The following JRK variants were observed in gnomAD, a reference collection of about 807,000 sequenced individuals.
JRK encodes Jrk helix-turn-helix protein.
For synonymous variants in JRK, 303 were observed against 218.1 expected (o/e 1.39, Z -3.43); for missense variants, 720 against 509.2 (o/e 1.41, Z -3.98).
In JRK at chr8:142,664,341, C is replaced by T. The variant is rs1847013574; in HGVS notation, c.*11G>A. ...AACAGGGCCAGTGGCCAGGGCAGGG[C>T]AGAGAAGCCATCAGTTGTCACCTGC... On this transcript the variant is annotated 3_prime_UTR_variant, in exon 2 of 2. Transcript: ENST00000612905. The T allele has an allele frequency of 1.3e-6, 2 of 1,546,884 alleles. No individual in the cohort carries two copies. Among genetic ancestry groups the T allele is most frequent in the African/African-American group, 2.7e-5 (2 of 73,334 alleles).
At chr8:142,644,042 T>C in the JRK span, among the ~76,000 whole-genome samples, 1 of 152,218 alleles carries the variant, frequency 6.6e-6, no homozygotes, top group Non-Finnish European at 1.5e-5. Context: ...AGTCTTGTAA[T>C]AGTTCAGTTG....
At position 142,658,768 on chromosome 8, in the gene JRK, G is replaced by A. The variant is rs1210465187; in HGVS notation, c.*5584C>T. 1.1e-4 allele frequency: 166 copies of A among 1,535,000 alleles called. No homozygotes were observed. The highest frequency in any genetic ancestry group is 1.4e-4 in the Non-Finnish European group (160 of 1,138,220). ...CATCGTCATGGAGATGGAGGCCACAGACCTACCAACACCCATAACCTCAAG... is the reference window on the plus strand; with the variant it reads ...CATCGTCATGGAGATGGAGGCCACAAACCTACCAACACCCATAACCTCAAG... On this transcript the variant is annotated 3_prime_UTR_variant, in exon 2 of 2. Transcript: ENST00000612905.
chr8:142,649,357 C>G, the JRK span, among the ~76,000 whole-genome samples: 1 of 152,136 alleles, frequency 6.6e-6, no homozygotes, highest in African/African-American at 2.4e-5. Flanking sequence ...TGGGAGGGAC[C>G]CAGTGGGAGG....
rs587633214 is a variant in JRK at position 142,661,092 on chromosome 8, A to G, written c.*3260T>C. 19 of 985,458 alleles carry G rather than the reference A, an allele frequency of 1.9e-5. No homozygotes were observed. The South Asian group carries it at 6.6e-4, about 34-fold the overall frequency. The allele number at this position is 985,458 out of a possible 1,614,324, so 61.0% of individuals were successfully genotyped here. On this transcript the variant is annotated 3_prime_UTR_variant, in exon 2 of 2. Coordinates refer to ENST00000612905, the MANE Select transcript of JRK (RefSeq NM_003724.4). The stretch of plus-strand genomic sequence containing the variant: ...TCCAGGTGCTCTCCATCGCATGCTC[A>G]GCCATGGCTGAGCACGAATGAAGCA...
At position 142,660,979 on chromosome 8, in the gene JRK, G is replaced by A. The variant is rs782003964; in HGVS notation, c.*3373C>T. ...TGGGGAAGCCGTGGGCAGGGGCTGC[G>A]ACTTCCTTTCTTCCAATCAACTCCA... On this transcript the variant is annotated 3_prime_UTR_variant, in exon 2 of 2. Transcript: ENST00000612905. 47 of 985,388 alleles carry A rather than the reference G, an allele frequency of 4.8e-5. No individual in the cohort carries two copies. The highest frequency in any genetic ancestry group is 2.3e-4 in the East Asian group (2 of 8,798). The allele number at this position is 985,388 out of a possible 1,614,324, so 61.0% of individuals were successfully genotyped here.
At position 142,664,281 on chromosome 8, in the gene JRK, G is replaced by A. The variant is rs1372594900; in HGVS notation, c.*71C>T. 7 of 1,474,538 alleles carry A rather than the reference G, an allele frequency of 4.7e-6. No homozygotes were observed. Among genetic ancestry groups the A allele is most frequent in the African/African-American group, 4.2e-5 (3 of 70,800 alleles). 91.3% of individuals were successfully genotyped at this position (1,474,538 alleles called of 1,614,324 possible). A position where few individuals can be genotyped will look rare whatever the true frequency, so the allele number is the denominator to read the frequency against. ...GCCCTCCTGCCTCAGGTGGGGTCGG[G>A]GCACAGGACCATGCCACTCCAGGGT... On this transcript the variant is annotated 3_prime_UTR_variant, in exon 2 of 2. Coordinates refer to ENST00000612905, the MANE Select transcript of JRK (RefSeq NM_003724.4).
chr8:142,664,330 C>T lies in JRK; in HGVS notation c.*22G>A. The T allele has an allele frequency of 6.5e-7, 1 of 1,532,314 alleles. No individual in the cohort carries two copies. 94.9% of individuals were successfully genotyped at this position (1,532,314 alleles called of 1,614,324 possible). A position where few individuals can be genotyped will look rare whatever the true frequency, so the allele number is the denominator to read the frequency against. On this transcript the variant is annotated 3_prime_UTR_variant, in exon 2 of 2. Transcript: ENST00000612905. Reference sequence around the variant, plus strand: ...GTGTGGGGAGAAACAGGGCCAGTGGCCAGGGCAGGGCAGAGAAGCCATCAG... The same window carrying T: ...GTGTGGGGAGAAACAGGGCCAGTGGTCAGGGCAGGGCAGAGAAGCCATCAG...
chr8:142,652,754 T>G (rs1846689106), downstream of JRK, among the ~76,000 whole-genome samples: 3 of 152,134 alleles, frequency 2.0e-5, no homozygotes, highest in Admixed American at 1.3e-4. Flanking sequence ...TTTCACATAA[T>G]CAATTTACAG....
Position 142,666,139 on chromosome 8 carries a change from C to A in JRK, c.-81G>T, listed in dbSNP as rs1847122715. The stretch of plus-strand genomic sequence containing the variant: ...GCCACTACTTCCCTCTCCTCCTGCT[C>A]CCCTTCTGGGGCTCCGTCTCTCCCT... On this transcript the variant is annotated 5_prime_UTR_variant, in exon 2 of 2. Coordinates refer to ENST00000612905, the MANE Select transcript of JRK (RefSeq NM_003724.4). 1.3e-6 allele frequency: 2 copies of A among 1,548,728 alleles called. No homozygotes were observed. Among genetic ancestry groups the A allele is most frequent in the Admixed American group, 3.9e-5 (2 of 51,058 alleles).
At position 142,662,256 on chromosome 8, in the gene JRK, T is replaced by A; in HGVS notation, c.*2096A>T. Reference sequence around the variant, plus strand: ...GCTACAGTCTGACAGGGACAAGCCATGTCCAGAGGACTCAGGAGAGCCAGC... The same window carrying A: ...GCTACAGTCTGACAGGGACAAGCCAAGTCCAGAGGACTCAGGAGAGCCAGC... On this transcript the variant is annotated 3_prime_UTR_variant, in exon 2 of 2. Coordinates refer to ENST00000612905, the MANE Select transcript of JRK (RefSeq NM_003724.4). 3.0e-6 allele frequency: 3 copies of A among 985,700 alleles called. No individual in the cohort carries two copies. The highest frequency in any genetic ancestry group is 3.6e-6 in the Non-Finnish European group (3 of 830,126). The allele number at this position is 985,700 out of a possible 1,614,324, so 61.1% of individuals were successfully genotyped here. A position where few individuals can be genotyped will look rare whatever the true frequency, so the allele number is the denominator to read the frequency against.
chr8:142,657,553 G>A lies in JRK; in HGVS notation c.*6799C>T, dbSNP rs1268785466. On this transcript the variant is annotated 3_prime_UTR_variant, in exon 2 of 2. Transcript: ENST00000612905. ...CATTTGCTTCTGGTGGGGGCTTCAG[G>A]GAGCTTCCACTCATGACGGAAGGCA... The A allele has an allele frequency of 6.5e-6, 1 of 153,500 alleles. No homozygotes were observed. The highest frequency in any genetic ancestry group is 1.4e-5 in the Non-Finnish European group (1 of 68,974). The allele number at this position is 153,500 out of a possible 1,614,324, so 9.5% of individuals were successfully genotyped here.
chr8:142,662,968 T>C lies in JRK; in HGVS notation c.*1384A>G, dbSNP rs1335400436. The C allele has an allele frequency of 1.5e-6, 1 of 679,462 alleles. No individual in the cohort carries two copies. The highest frequency in any genetic ancestry group is 1.4e-4 in the East Asian group (1 of 7,394). The allele number at this position is 679,462 out of a possible 1,614,324, so 42.1% of individuals were successfully genotyped here. ...TGAGGCCAAGAGTTCAAGACCAGCC[T>C]GGGCAACACAGTGAGACCCTGTCTC... On this transcript the variant is annotated 3_prime_UTR_variant, in exon 2 of 2. Transcript: ENST00000612905.
downstream of JRK, among the ~76,000 whole-genome samples, chr8:142,655,264 G>A (rs374181665): frequency 5.3e-4 from 80 of 152,318 alleles, 2 homozygotes; most frequent in South Asian, 0.013. Context: ...TGCTGTGACC[G>A]CTGGCCTGGG....
intron 1 of JRK, 49 bp from the exon 2 acceptor site, chr8:142,666,569 CA>C: frequency 1.3e-5 from 3 of 231,948 alleles, no homozygotes; most frequent in South Asian, 7.0e-5. Flanking sequence ...GCGCCCAGGA[CA>C]CACATGGCGT....
At chr8:142,645,531 T>A in the JRK span, among the ~76,000 whole-genome samples, 6 of 151,848 alleles carry the variant, frequency 4.0e-5, no homozygotes, top group Non-Finnish European at 1.5e-5. Flanking sequence ...TACAAAAAAA[T>A]TAGCTGGGCA....
Position 142,664,349 on chromosome 8 carries a change from C to G in JRK, c.*3G>C. On this transcript the variant is annotated 3_prime_UTR_variant, in exon 2 of 2. Transcript: ENST00000612905. ...CAGTGGCCAGGGCAGGGCAGAGAAGCCATCAGTTGTCACCTGCTGTGGATG... is the reference window on the plus strand; with the variant it reads ...CAGTGGCCAGGGCAGGGCAGAGAAGGCATCAGTTGTCACCTGCTGTGGATG... The G allele has an allele frequency of 6.5e-7, 1 of 1,550,298 alleles. No individual in the cohort carries two copies. The highest frequency in any genetic ancestry group is 8.7e-7 in the Non-Finnish European group (1 of 1,144,728).
downstream of JRK, among the ~76,000 whole-genome samples, chr8:142,654,498 G>A (rs1198781456): frequency 1.3e-5 from 2 of 151,906 alleles, no homozygotes; most frequent in Non-Finnish European, 2.9e-5. Context: ...CTGTGTCTTG[G>A]TGGGATCCTG....
the JRK span, among the ~76,000 whole-genome samples, chr8:142,646,332 C>G: frequency 6.6e-6 from 1 of 152,142 alleles, no homozygotes; most frequent in Non-Finnish European, 1.5e-5. Context: ...TATAGTTTAG[C>G]TTTAAAACAA....
chr8:142,667,073 C>T (rs1312385934), intron 1 of JRK, among the ~76,000 whole-genome samples: 2 of 152,234 alleles, frequency 1.3e-5, no homozygotes, highest in African/African-American at 4.8e-5. Flanking sequence ...CTAAACTCCT[C>T]TCTCCGACAC....
Sources: gnomAD v4.1 joint callset for allele counts (sites outside exome capture counted in the v4.1 genomes callset) on GRCh38, gnomAD v4.1.1 for gene constraint, MANE v1.5 for transcripts, NCBI Gene and HGNC (gene_info 2026-07-23, HGNC 2026-07-21) for gene names.